The following CNTNAP2 variants were observed in gnomAD, a reference collection of about 807,000 sequenced individuals.
CNTNAP2 encodes the protein contactin-associated protein-like 2.
In CNTNAP2, 98 loss-of-function variants were observed where a neutral mutation model predicts 155.2. The ratio of observed to expected loss-of-function variants is 0.63; its 90% CI spans 0.54 to 0.75. The LOEUF is 0.75. CNTNAP2 is among the 30% of genes least tolerant of loss of function. The pLI, the probability that CNTNAP2 is intolerant of heterozygous loss-of-function variation, is 0.00. For synonymous variants in CNTNAP2, 651 were observed against 631.2 expected, an observed-to-expected ratio of 1.03 and a Z score of -0.47; for missense variants, 1,727 against 1,688.1, an observed-to-expected ratio of 1.02 and a Z score of -0.40.
intron 1 of CNTNAP2, among the ~76,000 whole-genome samples, chr7:146,143,415 T>G (rs921086514): frequency 6.6e-6 from 1 of 152,152 alleles, no homozygotes; most frequent in Non-Finnish European, 1.5e-5. Context: ...GACAAAAACC[T>G]CATTTCTAAA....
At position 147,485,998 on chromosome 7, in the gene CNTNAP2, C is replaced by T; in HGVS notation, c.1734C>T (p.Cys578=). The T allele has an allele frequency of 1.2e-6, 2 of 1,614,078 alleles. No homozygotes were observed. The highest frequency in any genetic ancestry group is 1.3e-5 in the African/African-American group (1 of 75,024). ...CGCAAACATGGGACAGCTTCAAATG[C>T]ACTTGTGATGAGACAGGATACAGTG... The part of the protein sequence containing the change: ...KCSQTWDSFK[C]TCDETGYSGA... The change falls in exon 11 of 24, where the codon TGC becomes TGT. Residue 578 remains cysteine, a synonymous_variant. Coordinates refer to ENST00000361727, the MANE Select transcript of CNTNAP2 (RefSeq NM_014141.6).
chr7:147,318,614 T>C (rs993213311), intron 9 of CNTNAP2, among the ~76,000 whole-genome samples: 1 of 151,404 alleles, frequency 6.6e-6, no homozygotes, highest in East Asian at 2.0e-4. Context: ...AGTTGAACAA[T>C]AAGAACACAT....
chr7:147,848,780 A>G (rs1055086513), intron 13 of CNTNAP2, among the ~76,000 whole-genome samples: 2 of 152,220 alleles, frequency 1.3e-5, no homozygotes, highest in African/African-American at 4.8e-5. Context: ...ACAGAGAGAA[A>G]GCTTAAATAC....
intron 15 of CNTNAP2, among the ~76,000 whole-genome samples, chr7:148,049,712 C>A (rs1042276792): frequency 6.6e-6 from 1 of 152,192 alleles, no homozygotes; most frequent in African/African-American, 2.4e-5. Context: ...AACAAACCTA[C>A]TGCACTGCCA....
intron 15 of CNTNAP2, among the ~76,000 whole-genome samples, chr7:148,012,320 G>C (rs1322823768): frequency 6.6e-6 from 1 of 152,194 alleles, no homozygotes; most frequent in Non-Finnish European, 1.5e-5. Flanking sequence ...GCATTTGTGG[G>C]AATTATTTTA....
At chr7:146,741,545 T>A (rs1325215840) in intron 1 of CNTNAP2, among the ~76,000 whole-genome samples, 1 of 151,878 alleles carries the variant, frequency 6.6e-6, no homozygotes, top group Admixed American at 6.6e-5. Context: ...CAAACAGGAG[T>A]TAGAAAGACC....
chr7:146,123,465 T>G (rs534986049), intron 1 of CNTNAP2, among the ~76,000 whole-genome samples: 1 of 152,164 alleles, frequency 6.6e-6, no homozygotes, highest in Non-Finnish European at 1.5e-5. Flanking sequence ...GAGGTGTGAC[T>G]GGCATACGCA....
At chr7:147,239,466 C>T (rs1053229601) in intron 8 of CNTNAP2, among the ~76,000 whole-genome samples, 19 of 149,700 alleles carry the variant, frequency 1.3e-4, no homozygotes, top group Middle Eastern at 6.9e-3. Context: ...GCTGAGATTG[C>T]GCCACTGCAC....
chr7:148,316,314 T>G (rs1255060135), intron 21 of CNTNAP2, among the ~76,000 whole-genome samples: 1 of 150,978 alleles, frequency 6.6e-6, no homozygotes, highest in Non-Finnish European at 1.5e-5. Flanking sequence ...GTTGTGCACA[T>G]GTACCTTAGA....
intron 13 of CNTNAP2, among the ~76,000 whole-genome samples, chr7:147,699,022 A>G (rs1368740917): frequency 6.6e-6 from 1 of 152,188 alleles, no homozygotes; most frequent in African/African-American, 2.4e-5. Context: ...GACCAATAGA[A>G]CTAAAGAAGA....
chr7:147,719,518 G>A (rs1796531790), intron 13 of CNTNAP2, among the ~76,000 whole-genome samples: 1 of 151,920 alleles, frequency 6.6e-6, no homozygotes, highest in Admixed American at 6.6e-5. Context: ...TCACCTAACT[G>A]CCAGTGGTCA....
chr7:147,568,186 CA>C (rs975910576), intron 12 of CNTNAP2, among the ~76,000 whole-genome samples: 158 of 137,152 alleles, frequency 1.2e-3, no homozygotes, highest in Admixed American at 1.2e-3. Flanking sequence ...GCCTTTCCTT[CA>C]AAAAAAAAAA....
intron 14 of CNTNAP2, among the ~76,000 whole-genome samples, chr7:147,969,372 T>C (rs1801289966): frequency 6.6e-6 from 1 of 152,082 alleles, no homozygotes; most frequent in African/African-American, 2.4e-5. Flanking sequence ...TTCTGATTGA[T>C]GACTATGACT....
chr7:147,130,334 C>T (rs1390049088), intron 7 of CNTNAP2, among the ~76,000 whole-genome samples: 1 of 151,796 alleles, frequency 6.6e-6, no homozygotes, highest in Non-Finnish European at 1.5e-5. Context: ...TGCATGTAGT[C>T]CTAGCTGCTT....
intron 12 of CNTNAP2, among the ~76,000 whole-genome samples, chr7:147,569,553 C>T (rs141344781): frequency 3.4e-4 from 52 of 152,144 alleles, no homozygotes; most frequent in Middle Eastern, 3.4e-3. Context: ...TACAATTGTC[C>T]ACAGTATTCA....
intron 4 of CNTNAP2, among the ~76,000 whole-genome samples, chr7:147,091,598 C>T (rs887788413): frequency 1.1e-4 from 16 of 149,058 alleles, no homozygotes; most frequent in South Asian, 2.1e-4. Flanking sequence ...ACTACAGGTG[C>T]GCACCACCAC....
chr7:147,917,848 C>G (rs1277160327), intron 14 of CNTNAP2, among the ~76,000 whole-genome samples: 1 of 152,150 alleles, frequency 6.6e-6, no homozygotes, highest in African/African-American at 2.4e-5. Context: ...GTTCTGGAGT[C>G]CCTCCTCACC....
intron 1 of CNTNAP2, among the ~76,000 whole-genome samples, chr7:146,197,394 T>G (rs932639103): frequency 6.6e-6 from 1 of 152,198 alleles, no homozygotes; most frequent in Non-Finnish European, 1.5e-5. Flanking sequence ...TAAACTGACC[T>G]TAGAAATCAG....
At chr7:147,571,270 CT>C (rs1038052184) in intron 12 of CNTNAP2, among the ~76,000 whole-genome samples, 1 of 104,590 alleles carries the variant, frequency 9.6e-6, no homozygotes, top group African/African-American at 3.7e-5. Context: ...TCCCTCCCCC[CT>C]CCCCCCACCC....
Sources: gnomAD v4.1 joint callset for allele counts (sites outside exome capture counted in the v4.1 genomes callset) on GRCh38, gnomAD v4.1.1 for gene constraint, MANE v1.5 for transcripts, NCBI Gene and HGNC (gene_info 2026-07-23, HGNC 2026-07-21) for gene names.